The following STARD13 variants were observed in gnomAD, a reference collection of about 807,000 sequenced individuals.
STARD13 encodes stAR-related lipid transfer protein 13.
STARD13 carries 62 observed loss-of-function variants against 106.4 expected under a neutral mutation model. The ratio of observed to expected loss-of-function variants is 0.58; its 90% CI spans 0.48 to 0.72. The LOEUF is 0.72. Among genes scored for constraint, STARD13 ranks in the 30% least tolerant of loss-of-function variants. STARD13 has a pLI of 0.00. For synonymous variants in STARD13, 565 were observed against 553.0 expected, an observed-to-expected ratio of 1.02 and a Z score of -0.31; for missense variants, 1,387 against 1,424.0, an observed-to-expected ratio of 0.97 and a Z score of 0.42.
At position 33,118,256 on chromosome 13, in the gene STARD13, AG is replaced by A. The variant is rs756093923; in HGVS notation, c.2089del (p.Leu697PhefsTer7). ...LRSNCLDQVG[L>X]FRKSGVKSRI... ...AGACTTCACTCCTGATTTGCGAAAA[AG>A]ACCCACCTGAAACAAAGCCATAGGG... On this transcript the variant is annotated frameshift_variant, in exon 8 of 14. Transcript: ENST00000336934. LOFTEE classifies it high-confidence loss of function. The A allele has an allele frequency of 6.2e-7, 1 of 1,614,170 alleles. No individual in the cohort carries two copies. The highest frequency in any genetic ancestry group is 1.7e-5 in the Admixed American group (1 of 60,036).
At chr13:33,123,713 T>G (rs935970994) in intron 7 of STARD13, among the ~76,000 whole-genome samples, 1 of 152,226 alleles carries the variant, frequency 6.6e-6, no homozygotes, top group Admixed American at 6.5e-5. Flanking sequence ...ATATAGAAAC[T>G]GCTGGGCATG....
At chr13:33,641,838 T>C in the STARD13 span, among the ~76,000 whole-genome samples, 3 of 152,204 alleles carry the variant, frequency 2.0e-5, no homozygotes, top group African/African-American at 7.2e-5. Context: ...AGTTTTTGTC[T>C]ACTCTGTCCC....
chr13:33,548,610 T>C, the STARD13 span, among the ~76,000 whole-genome samples: 1 of 152,206 alleles, frequency 6.6e-6, no homozygotes, highest in African/African-American at 2.4e-5. Context: ...ATATGTGTGA[T>C]ACGTTTGTGA....
At chr13:33,526,000 G>A in the STARD13 span, among the ~76,000 whole-genome samples, 1 of 152,130 alleles carries the variant, frequency 6.6e-6, no homozygotes, top group African/African-American at 2.4e-5. Flanking sequence ...AGCATGCCAA[G>A]TCTGATGAGA....
At chr13:33,119,132 G>C (rs1235203789) in intron 7 of STARD13, among the ~76,000 whole-genome samples, 2 of 152,160 alleles carry the variant, frequency 1.3e-5, no homozygotes, top group African/African-American at 4.8e-5. Context: ...TGGTGGGGCA[G>C]GTTAAGCTCT....
the STARD13 span, among the ~76,000 whole-genome samples, chr13:33,419,327 C>T: frequency 6.6e-6 from 1 of 152,026 alleles, no homozygotes; most frequent in Non-Finnish European, 1.5e-5. Context: ...CATGCACAAA[C>T]TTCAATAGCC....
chr13:33,461,714 T>C, the STARD13 span, among the ~76,000 whole-genome samples: 2 of 152,310 alleles, frequency 1.3e-5, no homozygotes, highest in African/African-American at 4.8e-5. Flanking sequence ...GGATTAAAGA[T>C]AGAGATGATA....
upstream of STARD13, among the ~76,000 whole-genome samples, chr13:33,290,545 A>G (rs1269347923): frequency 2.6e-5 from 4 of 152,230 alleles, no homozygotes; most frequent in African/African-American, 7.2e-5. Flanking sequence ...CTTGGTCCAG[A>G]TCAGCTTTCC....
At chr13:33,428,690 A>C in the STARD13 span, among the ~76,000 whole-genome samples, 3 of 152,226 alleles carry the variant, frequency 2.0e-5, no homozygotes, top group African/African-American at 7.2e-5. Context: ...TTCTGACAGC[A>C]AAGGATACAA....
intron 1 of STARD13, among the ~76,000 whole-genome samples, chr13:33,331,873 C>T (rs1021714067): frequency 1.3e-5 from 2 of 152,092 alleles, no homozygotes; most frequent in African/African-American, 2.4e-5. Context: ...GTTATTTGCT[C>T]CTTCCTCTTA....
chr13:33,530,100 C>T, the STARD13 span, among the ~76,000 whole-genome samples: 1 of 150,776 alleles, frequency 6.6e-6, no homozygotes, highest in African/African-American at 2.4e-5. Context: ...AAACTTAATT[C>T]TCCCTTGCCT....
chr13:33,504,082 G>A, the STARD13 span, among the ~76,000 whole-genome samples: 4 of 152,068 alleles, frequency 2.6e-5, no homozygotes, highest in East Asian at 7.7e-4. Flanking sequence ...TTAGAATGGC[G>A]ATCATTAAAA....
the STARD13 span, among the ~76,000 whole-genome samples, chr13:33,573,573 C>CA: frequency 6.6e-6 from 1 of 152,114 alleles, no homozygotes; most frequent in African/African-American, 2.4e-5. Context: ...CCTGAAAATC[C>CA]ACTGCACATT....
rs1886392382 is a variant in STARD13 at position 33,193,435 on chromosome 13, T to C, written c.170-25813A>G. ...CAGTAACAATGAAAACGTCACATAA[T>C]AGTTTGTTGTTGGACAAACACGCAG... On this transcript the variant is annotated intron_variant, in intron 1 of 13. Coordinates refer to ENST00000336934, the MANE Select transcript of STARD13 (RefSeq NM_178006.4). Among the ~76,000 whole-genome samples the C allele has an allele frequency of 2.0e-5, 3 of 152,200 alleles. 1 individual carries two copies. In the South Asian group the frequency reaches 6.2e-4, roughly 32 times the overall value.
At chr13:33,564,338 A>C in the STARD13 span, among the ~76,000 whole-genome samples, 1 of 146,724 alleles carries the variant, frequency 6.8e-6, no homozygotes, top group Non-Finnish European at 1.5e-5. Context: ...AAAAACAAGG[A>C]GATATCATGT....
At chr13:33,610,769 C>A in the STARD13 span, among the ~76,000 whole-genome samples, 1 of 152,326 alleles carries the variant, frequency 6.6e-6, no homozygotes, top group East Asian at 1.9e-4. Context: ...GAGATCAGGA[C>A]TGAAGCAGGG....
At position 33,105,585 on chromosome 13, in the gene STARD13, G is replaced by C. The variant is rs750674163; in HGVS notation, c.*8C>G. ...CTTCCCTGAGTTTGATGTCACACTGGGCAAAACTCAGATTTTAGTTTCTGG... is the reference window on the plus strand; with the variant it reads ...CTTCCCTGAGTTTGATGTCACACTGCGCAAAACTCAGATTTTAGTTTCTGG... On this transcript the variant is annotated 3_prime_UTR_variant, in exon 14 of 14. Transcript: ENST00000336934. 3.8e-6 allele frequency: 6 copies of C among 1,591,414 alleles called. No homozygotes were observed. The Admixed American group carries it at 1.0e-4, about 27-fold the overall frequency.
At chr13:33,350,570 A>G in exon 1 of STARD13, 3 of 1,393,376 alleles carry the variant, frequency 2.2e-6, no homozygotes, top group Non-Finnish European at 2.8e-6. Context: ...CGGCGCTGGG[A>G]GGCTGCGCCA....
chr13:33,532,366 T>G, the STARD13 span, among the ~76,000 whole-genome samples: 1 of 152,220 alleles, frequency 6.6e-6, no homozygotes, highest in Non-Finnish European at 1.5e-5. Context: ...AAAGGATTTT[T>G]AAAAAATTAA....
Sources: allele counts gnomAD v4.1 joint callset (sites outside exome capture counted in the v4.1 genomes callset), GRCh38; gene constraint gnomAD v4.1.1; transcripts MANE v1.5; gene names NCBI Gene and HGNC (gene_info 2026-07-23, HGNC 2026-07-21).